The following GUCY1A1 variants were observed in gnomAD, a reference collection of about 807,000 sequenced individuals.
GUCY1A1 encodes guanylate cyclase 1 soluble subunit alpha 1.
A neutral mutation model predicts 64.5 loss-of-function variants in GUCY1A1; 48 were observed. The observed-to-expected ratio is 0.74, with a 90% CI of 0.59 to 0.95. GUCY1A1 has a LOEUF of 0.95. Ranked by LOEUF, GUCY1A1 falls within the 40% of genes least tolerant of loss-of-function variation. GUCY1A1 has a pLI of 0.00. For missense variants in GUCY1A1, 804 were observed against 825.3 expected (o/e 0.97, Z 0.32); for synonymous variants, 308 against 303.4 (o/e 1.02, Z -0.16).
chr4:155,678,936 GT>G (rs1735315152), intron 2 of GUCY1A1, among the ~76,000 whole-genome samples: 1 of 152,070 alleles, frequency 6.6e-6, no homozygotes, highest in Non-Finnish European at 1.5e-5. Flanking sequence ...GTTTATGACT[GT>G]TTATATACCT....
chr4:155,709,003 A>T (rs1052563568), intron 5 of GUCY1A1, among the ~76,000 whole-genome samples: 2 of 152,190 alleles, frequency 1.3e-5, no homozygotes, highest in African/African-American at 2.4e-5. Flanking sequence ...CTCCATCTTT[A>T]AAAAAGACTC....
chr4:155,707,331 A>G (rs1454569688), intron 4 of GUCY1A1, among the ~76,000 whole-genome samples: 1 of 152,142 alleles, frequency 6.6e-6, no homozygotes, highest in Non-Finnish European at 1.5e-5. Flanking sequence ...CGCTTAACCT[A>G]CTGAATAGCT....
At chr4:155,700,236 G>A (rs1730907737) in intron 3 of GUCY1A1, among the ~76,000 whole-genome samples, 1 of 151,984 alleles carries the variant, frequency 6.6e-6, no homozygotes, top group Admixed American at 6.6e-5. Context: ...TAATTGAATT[G>A]GATATGCTTA....
intron 2 of GUCY1A1, among the ~76,000 whole-genome samples, chr4:155,692,604 T>C (rs1729890562): frequency 6.6e-6 from 1 of 152,222 alleles, no homozygotes; most frequent in Non-Finnish European, 1.5e-5. Flanking sequence ...TGCCTTCTTT[T>C]GAAAAGTGTC....
chr4:155,701,012 A>C (rs1354653333), intron 3 of GUCY1A1, among the ~76,000 whole-genome samples: 1 of 152,176 alleles, frequency 6.6e-6, no homozygotes, highest in South Asian at 2.1e-4. Context: ...GACAGATCTC[A>C]CTTATAGTTG....
At chr4:155,721,817 A>C (rs1733987272) in intron 8 of GUCY1A1, among the ~76,000 whole-genome samples, 1 of 152,166 alleles carries the variant, frequency 6.6e-6, no homozygotes, top group Non-Finnish European at 1.5e-5. Flanking sequence ...TTTGTGTAAT[A>C]AACCTAAATG....
chr4:155,720,854 A>G (rs567211280), intron 8 of GUCY1A1, among the ~76,000 whole-genome samples: 1 of 152,280 alleles, frequency 6.6e-6, no homozygotes, highest in East Asian at 1.9e-4. Flanking sequence ...TTAACATGGT[A>G]TCATCATCAT....
intron 2 of GUCY1A1, among the ~76,000 whole-genome samples, chr4:155,678,879 A>G (rs779130366): frequency 5.9e-5 from 9 of 152,196 alleles, no homozygotes; most frequent in Non-Finnish European, 1.2e-4. Flanking sequence ...TAGCCATTCT[A>G]ATGGGTTTTT....
chr4:155,667,509 C>T (rs549932227), intron 2 of GUCY1A1, 90 bp downstream of exon 2: 2 of 152,344 alleles, frequency 1.3e-5, no homozygotes, highest in South Asian at 2.1e-4. Context: ...GGTCTCCTTC[C>T]TCTCCTGAGA....
intron 2 of GUCY1A1, among the ~76,000 whole-genome samples, chr4:155,686,208 G>A (rs1017527983): frequency 2.6e-5 from 4 of 152,176 alleles, no homozygotes; most frequent in African/African-American, 9.7e-5. Context: ...AGGCGTGATG[G>A]CTCATACCTG....
chr4:155,706,126 A>G (rs1376571512), intron 4 of GUCY1A1, among the ~76,000 whole-genome samples: 2 of 152,098 alleles, frequency 1.3e-5, no homozygotes, highest in Admixed American at 1.3e-4. Flanking sequence ...TTAAGCCAAC[A>G]ATAATTATTT....
intron 3 of GUCY1A1, among the ~76,000 whole-genome samples, chr4:155,702,183 G>A (rs186695157): frequency 6.6e-5 from 10 of 152,224 alleles, no homozygotes; most frequent in East Asian, 1.9e-4. Flanking sequence ...CAAAGTTGGC[G>A]AGCAAATGCT....
At chr4:155,682,297 T>C (rs1039619120) in intron 2 of GUCY1A1, among the ~76,000 whole-genome samples, 2 of 152,214 alleles carry the variant, frequency 1.3e-5, no homozygotes, top group African/African-American at 4.8e-5. Flanking sequence ...CTGATATTTC[T>C]TATAAACAGT....
intron 2 of GUCY1A1, among the ~76,000 whole-genome samples, chr4:155,682,514 A>G (rs1560917813): frequency 6.6e-6 from 1 of 152,094 alleles, no homozygotes. Context: ...TACTAAAAAT[A>G]CAAAAGCATT....
intron 2 of GUCY1A1, among the ~76,000 whole-genome samples, chr4:155,674,378 A>C (rs1313999464): frequency 6.6e-6 from 1 of 151,118 alleles, no homozygotes; most frequent in African/African-American, 2.5e-5. Context: ...AGAAAGAAAG[A>C]AACAAAGAAA....
At chr4:155,680,460 A>ATGTGTG (rs59517530) in intron 2 of GUCY1A1, among the ~76,000 whole-genome samples, 19,770 of 149,540 alleles carry the variant, frequency 0.13, 1,502 homozygotes, top group Non-Finnish European at 0.18. Flanking sequence ...TTTTAAGTAT[A>ATGTGTG]TGTGTGTGTG....
In GUCY1A1 at chr4:155,696,825, C is replaced by G. The variant is rs200186131; in HGVS notation, c.-43C>G. ...TGTCAGTCTCATATAAGAACTACAG[C>G]TCATCAGGAGGAGATCGCAGCAGGG... is the stretch of plus-strand genomic sequence containing the variant. On this transcript the variant is annotated 5_prime_UTR_variant, in exon 3 of 10. Coordinates refer to ENST00000506455, the MANE Select transcript of GUCY1A1 (RefSeq NM_001130682.3). 1 of 1,592,126 alleles carries G rather than the reference C, an allele frequency of 6.3e-7. No individual in the cohort carries two copies. Among genetic ancestry groups the G allele is most frequent in the Non-Finnish European group, 8.6e-7 (1 of 1,162,540 alleles).
chr4:155,726,701 G>A (rs1389274415), intron 9 of GUCY1A1, among the ~76,000 whole-genome samples: 1 of 151,948 alleles, frequency 6.6e-6, no homozygotes, highest in Non-Finnish European at 1.5e-5. Context: ...GAATGTAGCA[G>A]TGTAATGACA....
chr4:155,717,694 C>G (rs1343584740), intron 8 of GUCY1A1, among the ~76,000 whole-genome samples: 3 of 152,116 alleles, frequency 2.0e-5, no homozygotes, highest in Non-Finnish European at 4.4e-5. Flanking sequence ...GTTCAGAAAG[C>G]TGCTGCCTCT....
Sources: gnomAD v4.1 joint callset for allele counts (sites outside exome capture counted in the v4.1 genomes callset) on GRCh38, gnomAD v4.1.1 for gene constraint, MANE v1.5 for transcripts, NCBI Gene and HGNC (gene_info 2026-07-23, HGNC 2026-07-21) for gene names.